CCNY: variants seen among roughly 807,000 people sequenced by gnomAD.
CCNY encodes cyclin-Y.
Under a neutral mutation model 42.8 loss-of-function variants are expected in CCNY, and 19 were observed. The observed-to-expected ratio is 0.44, with a 90% CI of 0.31 to 0.65. The LOEUF (loss-of-function observed/expected upper bound fraction) is 0.65, where lower values mean the gene tolerates loss of function less well. CCNY is among the 30% of genes least tolerant of loss of function. CCNY has a pLI of 0.07. For missense variants in CCNY, 370 were observed against 437.3 expected, an observed-to-expected ratio of 0.85 and a Z score of 1.37; for synonymous variants, 165 against 162.7, an observed-to-expected ratio of 1.01 and a Z score of -0.11.
intron 1 of CCNY, among the ~76,000 whole-genome samples, chr10:35,473,276 G>A (rs770562733): frequency 2.0e-5 from 3 of 152,230 alleles, no homozygotes; most frequent in Non-Finnish European, 4.4e-5. Context: ...CAGAGCTCTC[G>A]GCTTCTGTGT....
intron 2 of CCNY, among the ~76,000 whole-genome samples, chr10:35,492,609 G>A (rs1161054245): frequency 6.6e-6 from 1 of 152,208 alleles, no homozygotes; most frequent in Non-Finnish European, 1.5e-5. Flanking sequence ...CTGCTGGATT[G>A]CATCTTGCTC....
intron 1 of CCNY, among the ~76,000 whole-genome samples, chr10:35,473,335 T>C (rs577232446): frequency 6.6e-6 from 1 of 152,368 alleles, no homozygotes; most frequent in South Asian, 2.1e-4. Context: ...GGCTTCACTC[T>C]TTCAGTAAGG....
chr10:35,503,658 C>T (rs1840156926), intron 3 of CCNY, among the ~76,000 whole-genome samples: 2 of 152,194 alleles, frequency 1.3e-5, no homozygotes, highest in African/African-American at 4.8e-5. Flanking sequence ...GTGTGCCAGG[C>T]TCTGCTGTAA....
intron 7 of CCNY, among the ~76,000 whole-genome samples, chr10:35,538,362 C>G (rs1840928041): frequency 6.6e-6 from 1 of 152,206 alleles, no homozygotes; most frequent in South Asian, 2.1e-4. Flanking sequence ...CATATGGTAA[C>G]TCTGTTTTGA....
chr10:35,290,760 G>A (rs771866149), intron 3 of CCNY, among the ~76,000 whole-genome samples: 7 of 151,798 alleles, frequency 4.6e-5, no homozygotes, highest in Admixed American at 3.3e-4. Context: ...TCAGGAGTTC[G>A]AAACCAGCAT....
intron 1 of CCNY, among the ~76,000 whole-genome samples, chr10:35,247,791 G>A (rs1287980499): frequency 2.0e-5 from 3 of 147,884 alleles, no homozygotes; most frequent in Admixed American, 6.8e-5. Context: ...CAAGAGAATG[G>A]CGTAAACCCA....
At chr10:35,434,279 G>A (rs1395827858) in intron 1 of CCNY, 2 of 152,204 alleles carry the variant, frequency 1.3e-5, no homozygotes, top group Non-Finnish European at 2.9e-5. Context: ...CCCTCTGTCT[G>A]AAATGGGGAT....
At chr10:35,254,864 G>GA (rs142297683) in intron 3 of CCNY, among the ~76,000 whole-genome samples, 32,502 of 138,062 alleles carry the variant, frequency 0.24, 4,119 homozygotes, top group African/African-American at 0.34. Context: ...AAGAAAAAAA[G>GA]AAAAAAAAAG....
chr10:35,363,761 T>G (rs892400998), intron 1 of CCNY, among the ~76,000 whole-genome samples: 2 of 151,994 alleles, frequency 1.3e-5, no homozygotes, highest in African/African-American at 4.8e-5. Context: ...TGGCACTGAG[T>G]AGGTATGAAA....
At chr10:35,479,941 G>C (rs1345813678) in intron 1 of CCNY, among the ~76,000 whole-genome samples, 1 of 151,962 alleles carries the variant, frequency 6.6e-6, no homozygotes, top group East Asian at 1.9e-4. Flanking sequence ...TGTGAAGTTA[G>C]GGTGATAAAG....
intron 1 of CCNY, among the ~76,000 whole-genome samples, chr10:35,362,298 G>A (rs1156570566): frequency 6.6e-6 from 1 of 152,238 alleles, no homozygotes; most frequent in African/African-American, 2.4e-5. Context: ...TGTGCAAGGT[G>A]GAACAGGTGA....
upstream of CCNY, among the ~76,000 whole-genome samples, chr10:35,332,858 C>G (rs1014058788): frequency 5.3e-5 from 8 of 152,214 alleles, no homozygotes; most frequent in Non-Finnish European, 1.0e-4. Context: ...CTCACCTCAG[C>G]CTCCCAAACT....
At chr10:35,395,097 A>G (rs545638785) in intron 1 of CCNY, among the ~76,000 whole-genome samples, 2 of 150,984 alleles carry the variant, frequency 1.3e-5, no homozygotes, top group South Asian at 4.2e-4. Flanking sequence ...TCACTTTCCT[A>G]TGTAGTGTGC....
intron 3 of CCNY, among the ~76,000 whole-genome samples, chr10:35,312,434 T>C (rs550880852): frequency 1.4e-5 from 2 of 146,552 alleles, no homozygotes; most frequent in East Asian, 4.0e-4. Context: ...TGTAAACCCC[T>C]GTCTGTGCAA....
chr10:35,499,497 CTTGGTCGGACTTATAGTCAGAACTA>C (rs1447121781), intron 2 of CCNY, among the ~76,000 whole-genome samples: 1 of 152,200 alleles, frequency 6.6e-6, no homozygotes, highest in African/African-American at 2.4e-5. Context: ...TATCAGCTTT[CTTGGTCGGACTTATAGTCAGAACTA>C]TTGAAGGTTA....
chr10:35,419,742 A>G (rs1838117224), intron 1 of CCNY, among the ~76,000 whole-genome samples: 1 of 152,028 alleles, frequency 6.6e-6, no homozygotes, highest in South Asian at 2.1e-4. Context: ...CTCTCTTTAT[A>G]TACGTTTACG....
intron 1 of CCNY, among the ~76,000 whole-genome samples, chr10:35,447,072 T>C (rs1053162750): frequency 6.6e-6 from 1 of 152,060 alleles, no homozygotes; most frequent in African/African-American, 2.4e-5. Context: ...GGTCAGGAGA[T>C]CGAGACCATC....
intron 2 of CCNY, among the ~76,000 whole-genome samples, chr10:35,483,890 G>A (rs1839727800): frequency 6.6e-6 from 1 of 152,178 alleles, no homozygotes; most frequent in African/African-American, 2.4e-5. Context: ...TGTGTCAGTT[G>A]AGAGCTGAAT....
intron 1 of CCNY, among the ~76,000 whole-genome samples, chr10:35,404,641 C>T (rs368731878): frequency 5.9e-5 from 9 of 152,048 alleles, no homozygotes; most frequent in East Asian, 1.9e-4. Flanking sequence ...GCTTGGCATC[C>T]GTGATGGTCC....
Sources: allele counts gnomAD v4.1 joint callset (sites outside exome capture counted in the v4.1 genomes callset), GRCh38; gene constraint gnomAD v4.1.1; transcripts MANE v1.5; gene names NCBI Gene and HGNC (gene_info 2026-07-23, HGNC 2026-07-21).